TMEM101: variants seen among roughly 807,000 people sequenced by gnomAD.
TMEM101 encodes the protein putative NF-kappa-B-activating protein 130.
Under a neutral mutation model 26.0 loss-of-function variants are expected in TMEM101, and 14 were observed. The ratio of observed to expected loss-of-function variants is 0.54; its 90% CI spans 0.36 to 0.84. The LOEUF (loss-of-function observed/expected upper bound fraction) is 0.84, where lower values mean the gene tolerates loss of function less well. Ranked by LOEUF, TMEM101 falls within the 40% of genes least tolerant of loss-of-function variation. The pLI is 0.01. For synonymous variants in TMEM101, 152 were observed against 145.1 expected, an observed-to-expected ratio of 1.05 and a Z score of -0.34; for missense variants, 292 against 345.1, an observed-to-expected ratio of 0.85 and a Z score of 1.22.
intron 2 of TMEM101, chr17:44,021,175 G>A (rs1597874868): frequency 6.6e-6 from 1 of 152,142 alleles, no homozygotes; most frequent in Non-Finnish European, 1.5e-5. Context: ...CTATTGGGGT[G>A]GAAATTTCCT....
At chr17:44,017,301 A>G (rs1007807615), upstream of TMEM101, among the ~76,000 whole-genome samples, 16 of 151,458 alleles carry the variant, frequency 1.1e-4, no homozygotes, top group Non-Finnish European at 1.9e-4. Flanking sequence ...CATCTCTACT[A>G]AAGATACAAA....
chr17:44,019,227 TTTATAC>T, upstream of TMEM101: 1 of 319,862 alleles, frequency 3.1e-6, no homozygotes, highest in Admixed American at 4.0e-5. Context: ...GATATATGTA[TTTATAC>T]TCACCAGACT....
At chr17:44,014,209 A>T in intron 2 of TMEM101, 148 bp downstream of exon 2, 1 of 878,452 alleles carries the variant, frequency 1.1e-6, no homozygotes, top group Non-Finnish European at 1.7e-6. Context: ...TGCGCTCTGT[A>T]ATCTCCATAA....
chr17:44,022,985 C>T, intron 1 of TMEM101: 2 of 216,470 alleles, frequency 9.2e-6, no homozygotes, highest in East Asian at 1.6e-4. Flanking sequence ...ATACAATAAG[C>T]AAATTGCAAT....
At chr17:44,021,347 T>G (rs952559853) in exon 2 of TMEM101, 1 of 152,210 alleles carries the variant, frequency 6.6e-6, no homozygotes, top group South Asian at 2.1e-4. Context: ...ATTGCAAGGT[T>G]TGACCATGTT....
At chr17:44,016,153 A>G (rs35088587), upstream of TMEM101, among the ~76,000 whole-genome samples, 1 of 151,942 alleles carries the variant, frequency 6.6e-6, no homozygotes, top group South Asian at 2.1e-4. Context: ...ACATATATAT[A>G]TATCTGCTTT....
upstream of TMEM101, among the ~76,000 whole-genome samples, chr17:44,018,346 G>C (rs1419628924): frequency 1.3e-5 from 2 of 152,110 alleles, no homozygotes; most frequent in South Asian, 4.1e-4. Flanking sequence ...AAAAACACGA[G>C]AGAGGAACAT....
rs1230889891 is a variant in TMEM101 at position 44,013,106 on chromosome 17, AAC to A, written c.366_367del (p.Leu123GlyfsTer96). Reference sequence around the variant, plus strand: ...GTACAGCTCCCCAGCACCGCTGGCCAACACAAGAAAGCCGCCGATGATGGCAA... The same window carrying A: ...GTACAGCTCCCCAGCACCGCTGGCCAACAAGAAAGCCGCCGATGATGGCAA... On this transcript the variant is annotated frameshift_variant, in exon 3 of 4. Coordinates refer to ENST00000206380, the MANE Select transcript of TMEM101 (RefSeq NM_032376.4). LOFTEE classifies it high-confidence loss of function. The A allele has an allele frequency of 1.9e-6, 3 of 1,608,260 alleles. No individual in the cohort carries two copies. The highest frequency in any genetic ancestry group is 2.6e-6 in the Non-Finnish European group (3 of 1,175,922).
rs2049163631 is a variant in TMEM101, at chr17:44,011,973, ACT to A, written c.727_728del (p.Ser243CysfsTer13). The A allele has an allele frequency of 1.2e-6, 2 of 1,613,680 alleles. No individual in the cohort carries two copies. The highest frequency in any genetic ancestry group is 1.7e-6 in the Non-Finnish European group (2 of 1,179,842). On this transcript the variant is annotated frameshift_variant, in exon 4 of 4. Transcript: ENST00000206380. LOFTEE classifies it high-confidence loss of function. ...TGACAGCAGTTCCGAAGATGCCCAC[ACT>A]CTCTCCAAGGAGCTTCATCTGGTTC... ...FWNQMKLLGESVGIFGTAVIL... is the reference protein window; with the variant it reads ...FWNQMKLLGEXVGIFGTAVIL...
intron 3 of TMEM101, 171 bp downstream of exon 3, chr17:44,012,838 T>C: frequency 1.6e-6 from 1 of 617,276 alleles, no homozygotes; most frequent in Non-Finnish European, 2.5e-6. Context: ...CAACAGGCAT[T>C]TGGAGGGCCC....
Position 44,013,048 on chromosome 17 carries a change from G to A in TMEM101, c.426C>T (p.Ser142=), listed in dbSNP as rs1457099242. 2 of 1,608,700 alleles carry A rather than the reference G, an allele frequency of 1.2e-6. No homozygotes were observed. Among genetic ancestry groups the A allele is most frequent in the Non-Finnish European group, 8.5e-7 (1 of 1,175,898 alleles). Residue 142 remains serine, a synonymous_variant, in exon 3 of 4, where the codon TCC becomes TCT. Transcript: ENST00000206380. ...RRKPRSRSLQ[S]TGQVFLGIYL... Reference sequence around the variant, plus strand: ...AGATACCCAGGAACACCTGGCCGGTGGACTGCAGGGAGCGGCTGCGAGGTT... The same window carrying A: ...AGATACCCAGGAACACCTGGCCGGTAGACTGCAGGGAGCGGCTGCGAGGTT...
upstream of TMEM101, among the ~76,000 whole-genome samples, chr17:44,019,749 C>A (rs1034249247): frequency 6.6e-6 from 1 of 152,108 alleles, no homozygotes; most frequent in Non-Finnish European, 1.5e-5. Context: ...AATACTCTTA[C>A]GGATACACAG....
chr17:44,012,084 G>A lies in TMEM101; in HGVS notation c.618C>T (p.Ile206=), dbSNP rs1300994168. Residue 206 remains isoleucine, a synonymous_variant, in exon 4 of 4, where the codon ATC becomes ATT. Coordinates refer to ENST00000206380, the MANE Select transcript of TMEM101 (RefSeq NM_032376.4). ...TGACAGGGGGCAGCAGTACAGCCAG[G>A]ATCTGGGCAGCGAGGGTCACGTAGT... ...SGYYVTLAAQ[I]LAVLLPPVML... is the part of the protein sequence containing the mutation. The A allele has an allele frequency of 3.1e-6, 5 of 1,614,116 alleles. No homozygotes were observed.
chr17:44,011,852 AGCTGGGC>A lies in TMEM101; in HGVS notation c.*69_*75del. On this transcript the variant is annotated 3_prime_UTR_variant, in exon 4 of 4. Transcript: ENST00000206380. ...AGACCAAAAAGCATAAATAAACAGCAGCTGGGCCAGCAAGGAGGAAGGCAGGGTGACC... is the reference window on the plus strand; with the variant it reads ...AGACCAAAAAGCATAAATAAACAGCACAGCAAGGAGGAAGGCAGGGTGACC... The A allele has an allele frequency of 7.2e-7, 1 of 1,398,228 alleles. No homozygotes were observed. The highest frequency in any genetic ancestry group is 1.3e-5 in the South Asian group (1 of 74,194). The allele number at this position is 1,398,228 out of a possible 1,614,324, so 86.6% of individuals were successfully genotyped here. A position where few individuals can be genotyped will look rare whatever the true frequency, so the allele number is the denominator to read the frequency against.
upstream of TMEM101, among the ~76,000 whole-genome samples, chr17:44,015,794 A>T (rs1168289239): frequency 6.6e-6 from 1 of 152,200 alleles, no homozygotes; most frequent in Non-Finnish European, 1.5e-5. Context: ...GTTTCTGTTA[A>T]GATCAAAGTA....
chr17:44,018,116 C>T (rs1356495967), upstream of TMEM101, among the ~76,000 whole-genome samples: 1 of 152,092 alleles, frequency 6.6e-6, no homozygotes, highest in African/African-American at 2.4e-5. Context: ...CAGAGCAAGA[C>T]TCTATCTCAT....
At chr17:44,013,782 A>G (rs1287518104) in intron 2 of TMEM101, among the ~76,000 whole-genome samples, 2 of 152,124 alleles carry the variant, frequency 1.3e-5, no homozygotes, top group Admixed American at 1.3e-4. Flanking sequence ...GGTGTTCTTT[A>G]TTCTACATGG....
intron 2 of TMEM101, among the ~76,000 whole-genome samples, chr17:44,013,798 G>C (rs2049192198): frequency 6.6e-6 from 1 of 152,120 alleles, no homozygotes; most frequent in African/African-American, 2.4e-5. Flanking sequence ...CATGGCATGG[G>C]ATCTATGCCA....
chr17:44,017,152 CA>C (rs11406745), upstream of TMEM101, among the ~76,000 whole-genome samples: 1,784 of 135,248 alleles, frequency 0.013, 38 homozygotes, highest in African/African-American at 0.046. Context: ...GACTCTGTCT[CA>C]AAAAAAAAAA....
Sources: allele counts gnomAD v4.1 joint callset (sites outside exome capture counted in the v4.1 genomes callset), GRCh38; gene constraint gnomAD v4.1.1; transcripts MANE v1.5; gene names NCBI Gene and HGNC (gene_info 2026-07-23, HGNC 2026-07-21).